Variants in GRIN2A observed in about 807,000 individuals in gnomAD.
The protein encoded by GRIN2A is glutamate receptor ionotropic, NMDA 2A.
In GRIN2A, 22 loss-of-function variants were observed where a neutral mutation model predicts 113.4. The observed-to-expected ratio is 0.19, with a 90% CI of 0.14 to 0.28. GRIN2A has a LOEUF of 0.28. Ranked by LOEUF, GRIN2A falls within the 10% of genes least tolerant of loss-of-function variation. The probability of loss-of-function intolerance (pLI) is 1.00; values close to 1 mark genes in which losing one functional copy is unlikely to be tolerated. For missense variants in GRIN2A, 1,502 were observed against 1,887.0 expected, an observed-to-expected ratio of 0.80 and a Z score of 3.78; for synonymous variants, 827 against 738.4, an observed-to-expected ratio of 1.12 and a Z score of -1.94.
intron 2 of GRIN2A, among the ~76,000 whole-genome samples, chr16:10,103,125 T>C (rs7188343): frequency 0.4 from 61,549 of 152,044 alleles, 12,611 homozygotes; most frequent in East Asian, 0.46. Context: ...CTCGCAACTA[T>C]GAGGAATAGA....
At chr16:10,091,255 G>A (rs1404521443) in intron 2 of GRIN2A, among the ~76,000 whole-genome samples, 1 of 152,160 alleles carries the variant, frequency 6.6e-6, no homozygotes, top group Non-Finnish European at 1.5e-5. Context: ...ATATTCACAG[G>A]AGTATTATCC....
intron 3 of GRIN2A, among the ~76,000 whole-genome samples, chr16:9,920,102 G>C (rs1001789956): frequency 1.3e-5 from 2 of 152,156 alleles, no homozygotes; most frequent in African/African-American, 4.8e-5. Flanking sequence ...GGAGCTTTGA[G>C]CAGCATGCTT....
chr16:10,091,410 C>T (rs1177107182), intron 2 of GRIN2A, among the ~76,000 whole-genome samples: 3 of 151,882 alleles, frequency 2.0e-5, no homozygotes, highest in African/African-American at 7.3e-5. Flanking sequence ...TCAACCTGGG[C>T]AACATGGAAA....
At chr16:9,916,539 C>T (rs9925570) in intron 3 of GRIN2A, among the ~76,000 whole-genome samples, 1,931 of 152,262 alleles carry the variant, frequency 0.013, 24 homozygotes, top group African/African-American at 0.045. Context: ...AGAGCCACAG[C>T]GATACAGTGA....
chr16:9,966,548 A>G (rs944508647), intron 2 of GRIN2A, among the ~76,000 whole-genome samples: 1 of 152,184 alleles, frequency 6.6e-6, no homozygotes, highest in African/African-American at 2.4e-5. Flanking sequence ...GGTTGATTCC[A>G]TATGTTTGCT....
In GRIN2A at chr16:9,760,614, C is replaced by T; in HGVS notation, c.*2535G>A. The T allele has an allele frequency of 1.4e-5, 3 of 221,616 alleles. No homozygotes were observed. Among genetic ancestry groups the T allele is most frequent in the Non-Finnish European group, 2.7e-5 (3 of 110,894 alleles). The allele number at this position is 221,616 out of a possible 1,614,324, so 13.7% of individuals were successfully genotyped here. A position where few individuals can be genotyped will look rare whatever the true frequency, so the allele number is the denominator to read the frequency against. On this transcript the variant is annotated 3_prime_UTR_variant, in exon 13 of 13. Transcript: ENST00000330684. ...TATGGGGTTAATAGCAGAAATAATG[C>T]TGCTGTTAGGGGAAGGCTTTCTGAC...
At chr16:10,176,536 C>T (rs886652299) in intron 2 of GRIN2A, among the ~76,000 whole-genome samples, 8 of 152,140 alleles carry the variant, frequency 5.3e-5, no homozygotes, top group Non-Finnish European at 8.8e-5. Context: ...AGGATGAGTT[C>T]ATGTCCTTTG....
intron 4 of GRIN2A, among the ~76,000 whole-genome samples, chr16:9,875,169 T>TA (rs2043339989): frequency 6.6e-6 from 1 of 151,786 alleles, no homozygotes; most frequent in African/African-American, 2.4e-5. Context: ...TCTCGTCTCT[T>TA]AAAAAAGGGT....
intron 2 of GRIN2A, among the ~76,000 whole-genome samples, chr16:9,987,339 A>C (rs995363609): frequency 1.3e-5 from 2 of 152,188 alleles, no homozygotes; most frequent in Admixed American, 6.5e-5. Context: ...ATGAAAGCCA[A>C]CTCACTCCCA....
At chr16:10,134,201 A>C (rs2049137839) in intron 2 of GRIN2A, among the ~76,000 whole-genome samples, 1 of 104,232 alleles carries the variant, frequency 9.6e-6, no homozygotes, top group Non-Finnish European at 2.0e-5. Flanking sequence ...TCCAGAAAAA[A>C]AAAAAAAAAA....
chr16:10,051,091 C>G (rs188824687), intron 2 of GRIN2A, among the ~76,000 whole-genome samples: 89 of 152,314 alleles, frequency 5.8e-4, no homozygotes, highest in Admixed American at 7.8e-4. Flanking sequence ...GTGCAGTCAG[C>G]TTAACTCCAC....
intron 2 of GRIN2A, among the ~76,000 whole-genome samples, chr16:10,032,442 C>A (rs1254275577): frequency 6.6e-6 from 1 of 152,198 alleles, no homozygotes; most frequent in Admixed American, 6.5e-5. Context: ...AATGCCACCT[C>A]TGCTGAGTTT....
intron 2 of GRIN2A, among the ~76,000 whole-genome samples, chr16:9,950,878 T>G (rs1224791335): frequency 6.6e-6 from 1 of 152,226 alleles, no homozygotes; most frequent in Non-Finnish European, 1.5e-5. Context: ...GTTTACTGAT[T>G]ATTTATTGCA....
At chr16:10,173,320 A>C (rs1382502545) in intron 2 of GRIN2A, among the ~76,000 whole-genome samples, 1 of 152,152 alleles carries the variant, frequency 6.6e-6, no homozygotes, top group Non-Finnish European at 1.5e-5. Context: ...CTCGCATCCA[A>C]ACTCTGGAGC....
In GRIN2A at chr16:9,838,342, C is replaced by G. The variant is rs115412283; in HGVS notation, c.1651+2305G>C. Among the ~76,000 whole-genome samples the G allele has an allele frequency of 9.9e-3, 1,513 of 152,288 alleles. 19 individuals carry two copies. Among genetic ancestry groups the G allele is most frequent in the African/African-American group, 0.034 (1,413 of 41,550 alleles). On this transcript the variant is annotated intron_variant, in intron 7 of 12. Coordinates refer to ENST00000330684, the MANE Select transcript of GRIN2A (RefSeq NM_001134407.3). ...AGTTATTATATCAAAAAGACACTTG[C>G]ACACATATGTTTATCAGAGCACAAC...
intron 11 of GRIN2A, among the ~76,000 whole-genome samples, chr16:9,782,751 C>T (rs533636292): frequency 2.6e-5 from 4 of 152,296 alleles, no homozygotes; most frequent in East Asian, 1.9e-4. Context: ...TGCAAATTTA[C>T]GCAGATTAAA....
chr16:10,022,927 AC>A (rs1358936591), intron 2 of GRIN2A, among the ~76,000 whole-genome samples: 1 of 152,230 alleles, frequency 6.6e-6, no homozygotes, highest in African/African-American at 2.4e-5. Flanking sequence ...AATCAGTATG[AC>A]TACCACACCT....
intron 5 of GRIN2A, among the ~76,000 whole-genome samples, chr16:9,845,478 T>C (rs1372790830): frequency 6.6e-6 from 1 of 152,172 alleles, no homozygotes; most frequent in African/African-American, 2.4e-5. Flanking sequence ...TAGACTCTGC[T>C]TTGTGCCAGC....
intron 2 of GRIN2A, among the ~76,000 whole-genome samples, chr16:10,110,945 C>T (rs181974776): frequency 6.6e-6 from 1 of 152,174 alleles, no homozygotes; most frequent in Non-Finnish European, 1.5e-5. Context: ...TTCTGCTATT[C>T]AGGGATGTAT....
Sources: allele counts gnomAD v4.1 joint callset (sites outside exome capture counted in the v4.1 genomes callset), GRCh38; gene constraint gnomAD v4.1.1; transcripts MANE v1.5; gene names NCBI Gene and HGNC (gene_info 2026-07-23, HGNC 2026-07-21).